IL2RB: variants seen among roughly 807,000 people sequenced by gnomAD.
IL2RB encodes interleukin 2 receptor subunit beta.
Under a neutral mutation model 44.2 loss-of-function variants are expected in IL2RB, and 17 were observed. The ratio of observed to expected loss-of-function variants is 0.38; its 90% CI spans 0.26 to 0.58. The LOEUF (loss-of-function observed/expected upper bound fraction) is 0.58, where lower values mean the gene tolerates loss of function less well. Among genes scored for constraint, IL2RB ranks in the 20% least tolerant of loss-of-function variants. The pLI, the probability that IL2RB is intolerant of heterozygous loss-of-function variation, is 0.63. For missense variants in IL2RB, 624 were observed against 685.5 expected (o/e 0.91, Z 1.00); for synonymous variants, 286 against 297.9 (o/e 0.96, Z 0.41).
At chr22:37,140,123 T>C (rs1197123574) in intron 4 of IL2RB, among the ~76,000 whole-genome samples, 1 of 152,164 alleles carries the variant, frequency 6.6e-6, no homozygotes, top group African/African-American at 2.4e-5. Flanking sequence ...GGCCGGGACC[T>C]TGGGCACCGT....
At chr22:37,173,509 TAAGA>T (rs1923355300) in intron 1 of IL2RB, among the ~76,000 whole-genome samples, 1 of 152,226 alleles carries the variant, frequency 6.6e-6, no homozygotes, top group African/African-American at 2.4e-5. Flanking sequence ...AAAATAAATA[TAAGA>T]AAGTGTCTAC....
At chr22:37,164,820 G>A (rs1239070823) in intron 1 of IL2RB, among the ~76,000 whole-genome samples, 1 of 152,116 alleles carries the variant, frequency 6.6e-6, no homozygotes, top group Non-Finnish European at 1.5e-5. Context: ...TCCCAGGGAG[G>A]TACTAGGTAA....
intron 1 of IL2RB, among the ~76,000 whole-genome samples, chr22:37,166,356 C>T (rs1352170877): frequency 6.6e-6 from 1 of 152,228 alleles, no homozygotes; most frequent in Non-Finnish European, 1.5e-5. Flanking sequence ...TGCACCGCTG[C>T]GTGTGTTGTA....
intron 1 of IL2RB, among the ~76,000 whole-genome samples, chr22:37,162,434 T>A (rs1047178328): frequency 6.6e-6 from 1 of 152,210 alleles, no homozygotes; most frequent in African/African-American, 2.4e-5. Context: ...GCTACCTAAA[T>A]GCGCACTTGG....
intron 1 of IL2RB, among the ~76,000 whole-genome samples, chr22:37,162,550 A>C (rs1312171741): frequency 6.6e-6 from 1 of 152,156 alleles, no homozygotes; most frequent in African/African-American, 2.4e-5. Context: ...AGGCTGCCAG[A>C]GCTTTCAGAA....
At position 37,128,170 on chromosome 22, in the gene IL2RB, G is replaced by T; in HGVS notation, c.1582C>A (p.Arg528Ser). The change falls in exon 10 of 10, where the codon CGC becomes AGC. Residue 528 changes from arginine (R) to serine (S), a missense_variant. Arg to Ser is a moderately radical substitution (Grantham distance 110). Coordinates refer to ENST00000216223, the MANE Select transcript of IL2RB (RefSeq NM_000878.5). The surrounding 1 kb of genome is among the most constrained non-coding windows in gnomAD (Gnocchi z 4.5). The stretch of plus-strand genomic sequence containing the variant: ...TAGGCATCAGTGTTCAGGGGCAGGC[G>T]AGCATTAAGGGCCCTGAACTCCCCC... Reference protein sequence around the residue: ...GQGEFRALNARLPLNTDAYLS... With the variant: ...GQGEFRALNASLPLNTDAYLS... The T allele has an allele frequency of 1.9e-6, 3 of 1,563,008 alleles. No individual in the cohort carries two copies. Among genetic ancestry groups the T allele is most frequent in the South Asian group, 1.2e-5 (1 of 81,878 alleles).
At position 37,128,980 on chromosome 22, in the gene IL2RB, G is replaced by T. The variant is rs534155289; in HGVS notation, c.904-132C>A. ...GGCCCAGGGCTGCCCCATCCAGGAA[G>T]CTCTCCCTGATTATAGCCCCGCACT... On this transcript the variant is annotated intron_variant, in intron 9 of 9. Transcript: ENST00000216223. The surrounding 1 kb of genome is among the most constrained non-coding windows in gnomAD (Gnocchi z 4.5). 7 of 1,118,494 alleles carry T rather than the reference G, an allele frequency of 6.3e-6. No homozygotes were observed. In the African/African-American group the frequency reaches 7.9e-5, roughly 13 times the overall value. The allele number at this position is 1,118,494 out of a possible 1,614,324, so 69.3% of individuals were successfully genotyped here.
chr22:37,160,390 CCTAGTCT>C (rs958710122), intron 1 of IL2RB, among the ~76,000 whole-genome samples: 13 of 152,164 alleles, frequency 8.5e-5, no homozygotes, highest in Non-Finnish European at 1.6e-4. Flanking sequence ...ACTAAGGAAG[CCTAGTCT>C]CTCCTTCTGG....
At chr22:37,138,134 G>C (rs982980989) in intron 5 of IL2RB, among the ~76,000 whole-genome samples, 2 of 152,228 alleles carry the variant, frequency 1.3e-5, no homozygotes, top group Admixed American at 6.5e-5. Flanking sequence ...GCTGCTGGAT[G>C]AATGACTCAC....
At position 37,143,639 on chromosome 22, in the gene IL2RB, C is replaced by G. The variant is rs760603740; in HGVS notation, c.89-4G>C. On this transcript the variant is annotated splice_region_variant and splice_polypyrimidine_tract_variant and intron_variant, in intron 2 of 9. Transcript: ENST00000216223. ...AAGCATGTGAACTGGGAAGTGCCTG[C>G]CGGGCAAGATGAGGTGTGAGTGCTG... 6.2e-7 allele frequency: 1 copy of G among 1,606,998 alleles called. No homozygotes were observed. The highest frequency in any genetic ancestry group is 1.7e-5 in the Admixed American group (1 of 60,004).
At chr22:37,143,375 G>A (rs1922059460) in intron 3 of IL2RB, 146 bp downstream of exon 3, 6 of 604,056 alleles carry the variant, frequency 9.9e-6, no homozygotes, top group South Asian at 2.0e-5. Context: ...TTCCAGGCCT[G>A]GGCCCCAACT....
At chr22:37,159,605 T>C (rs1431296064) in intron 1 of IL2RB, among the ~76,000 whole-genome samples, 1 of 152,198 alleles carries the variant, frequency 6.6e-6, no homozygotes, top group African/African-American at 2.4e-5. Context: ...AGCATTTGTG[T>C]TCCATTACCA....
chr22:37,145,319 G>A (rs961480088), intron 1 of IL2RB, among the ~76,000 whole-genome samples: 2 of 152,166 alleles, frequency 1.3e-5, no homozygotes, highest in African/African-American at 4.8e-5. Context: ...TTATACCCCA[G>A]GGAGGAAAGA....
chr22:37,128,735 C>T lies in IL2RB; in HGVS notation c.1017G>A (p.Gln339=), dbSNP rs886773937. The part of the protein sequence containing the change: ...ERDKVTQLLL[Q]QDKVPEPASL... Reference sequence around the variant, plus strand: ...ATGCGGGCTCAGGCACCTTGTCCTGCTGCAGGAGCAGCTGCGTCACCTTGT... The same window carrying T: ...ATGCGGGCTCAGGCACCTTGTCCTGTTGCAGGAGCAGCTGCGTCACCTTGT... Residue 339 remains glutamine, a synonymous_variant, in exon 10 of 10, where the codon CAG becomes CAA. Transcript: ENST00000216223. The surrounding 1 kb of genome is among the most constrained non-coding windows in gnomAD (Gnocchi z 4.5). 1 of 1,614,160 alleles carries T rather than the reference C, an allele frequency of 6.2e-7. No homozygotes were observed. The highest frequency in any genetic ancestry group is 8.5e-7 in the Non-Finnish European group (1 of 1,179,996).
chr22:37,128,598 T>A lies in IL2RB; in HGVS notation c.1154A>T (p.Asp385Val). Reference protein sequence around the residue: ...IEACQVYFTYDPYSEEDPDEG... With the variant: ...IEACQVYFTYVPYSEEDPDEG... ...ATCAGGGTCTTCCTCTGAGTAGGGG[T>A]CGTAAGTAAAGTACACCTGGCAGGC... The change falls in exon 10 of 10, where the codon GAC becomes GTC. Residue 385 changes from aspartate (D) to valine (V), a missense_variant. Physicochemically the swap from Asp to Val is radical, Grantham distance 152. Coordinates refer to ENST00000216223, the MANE Select transcript of IL2RB (RefSeq NM_000878.5). This position sits in a 1 kb window ranked among gnomAD's most constrained non-coding sequence, Gnocchi z 4.5. 1 of 1,613,692 alleles carries A rather than the reference T, an allele frequency of 6.2e-7. No homozygotes were observed. Among genetic ancestry groups the A allele is most frequent in the South Asian group, 1.1e-5 (1 of 91,074 alleles).
chr22:37,132,695 C>T (rs549443305), intron 8 of IL2RB, among the ~76,000 whole-genome samples: 1 of 152,330 alleles, frequency 6.6e-6, no homozygotes, highest in South Asian at 2.1e-4. Flanking sequence ...CTGACATTCT[C>T]ATGGGGAGAT....
chr22:37,143,429 T>C (rs1922061341), intron 3 of IL2RB, 92 bp downstream of exon 3: 5 of 827,046 alleles, frequency 6.0e-6, no homozygotes, highest in African/African-American at 1.7e-5. Flanking sequence ...TCCAAGATTC[T>C]GTAAACGTTG....
intron 1 of IL2RB, among the ~76,000 whole-genome samples, chr22:37,165,696 A>ATTTT (rs1569054967): frequency 2.0e-5 from 3 of 149,262 alleles, no homozygotes; most frequent in East Asian, 2.0e-4. Context: ...AATTTAATTT[A>ATTTT]ATTTAATTTA....
At position 37,137,708 on chromosome 22, in the gene IL2RB, T is replaced by TG. The variant is rs1485063030; in HGVS notation, c.415dup (p.Gln139ProfsTer24). The TG allele has an allele frequency of 6.2e-7, 1 of 1,614,060 alleles. No homozygotes were observed. Among genetic ancestry groups the TG allele is most frequent in the African/African-American group, 1.3e-5 (1 of 75,024 alleles). The stretch of plus-strand genomic sequence containing the variant: ...TCTGTGGGTCTCCACGTGGACAACT[T>TG]GGAGGGAGATGGGGGCCATCAGGCG... On this transcript the variant is annotated frameshift_variant, in exon 6 of 10. Coordinates refer to ENST00000216223, the MANE Select transcript of IL2RB (RefSeq NM_000878.5). LOFTEE classifies it high-confidence loss of function.
Sources: allele counts gnomAD v4.1 joint callset (sites outside exome capture counted in the v4.1 genomes callset), GRCh38; gene constraint gnomAD v4.1.1; non-coding constraint Gnocchi (gnomAD v3.1); transcripts MANE v1.5; gene names NCBI Gene and HGNC (gene_info 2026-07-23, HGNC 2026-07-21).